Variants in CLCA4 observed in about 807,000 individuals in gnomAD.
CLCA4 encodes the protein calcium-activated chloride channel regulator 4.
Under a neutral mutation model 78.9 loss-of-function variants are expected in CLCA4, and 69 were observed. That is an observed-to-expected ratio of 0.87 (90% confidence interval 0.72 to 1.07). The LOEUF is 1.07. Ranked by LOEUF, CLCA4 falls within the 50% of genes least tolerant of loss-of-function variation. The probability of loss-of-function intolerance (pLI) is 0.00; values close to 1 mark genes in which losing one functional copy is unlikely to be tolerated. For synonymous variants in CLCA4, 362 were observed against 375.8 expected, an observed-to-expected ratio of 0.96 and a Z score of 0.42; for missense variants, 1,133 against 1,095.8, an observed-to-expected ratio of 1.03 and a Z score of -0.48.
rs79239862 is a variant in CLCA4 at position 86,547,628 on chromosome 1, T to C, written c.159+350T>C. The stretch of plus-strand genomic sequence containing the variant: ...CTCTTCATTTCCTTTCTCTCCCCTA[T>C]CCTTTGCAGCCTCTAATAAGTATCA... On this transcript the variant is annotated intron_variant, in intron 1 of 13. Coordinates refer to ENST00000370563, the MANE Select transcript of CLCA4 (RefSeq NM_012128.4). Among the ~76,000 whole-genome samples, 432 of 152,288 alleles carry C rather than the reference T, an allele frequency of 2.8e-3. 19 individuals carry two copies. In the East Asian group the frequency reaches 0.072, roughly 25 times the overall value.
At chr1:86,571,331 T>G in intron 8 of CLCA4, 77 bp downstream of exon 8, 17 of 1,414,960 alleles carry the variant, frequency 1.2e-5, no homozygotes, top group Non-Finnish European at 1.6e-5. Flanking sequence ...ACAACGTCTC[T>G]TGAGTTTCTG....
chr1:86,567,174 T>A (rs1650224019), intron 6 of CLCA4, among the ~76,000 whole-genome samples: 1 of 151,988 alleles, frequency 6.6e-6, no homozygotes, highest in South Asian at 2.1e-4. Context: ...TTCCACCTCT[T>A]ACTTGGATAC....
Position 86,580,301 on chromosome 1 carries a change from G to T in CLCA4, c.2716G>T (p.Gly906Trp), listed in dbSNP as rs780305015. The T allele has an allele frequency of 3.7e-6, 6 of 1,606,892 alleles. No homozygotes were observed. The highest frequency in any genetic ancestry group is 8.5e-7 in the Non-Finnish European group (1 of 1,177,834). Residue 906 changes from glycine (G) to tryptophan (W), a missense_variant, in exon 14 of 14, where the codon GGG (glycine) becomes TGG (tryptophan). Transcript: ENST00000370563. ...TTCTACGCTGGTATTGTCTGTGATT[G>T]GGTCTGTTGTAATTGTTAACTTTAT... ...NISTLVLSVI[G>W]SVVIVNFILS...
At chr1:86,573,470 G>A (rs1244886504) in intron 9 of CLCA4, among the ~76,000 whole-genome samples, 1 of 151,732 alleles carries the variant, frequency 6.6e-6, no homozygotes, top group East Asian at 1.9e-4. Context: ...GTCACTTTAT[G>A]CCAAGATTTC....
Position 86,565,258 on chromosome 1 carries a change from T to C in CLCA4, c.558-16T>C. On this transcript the variant is annotated splice_polypyrimidine_tract_variant and intron_variant, in intron 4 of 13. Transcript: ENST00000370563. ...TGATTCAGTTGCCTCAAAGATTAAC[T>C]GTCATATATTTTCAGGTGTTCCGCA... 6.4e-7 allele frequency: 1 copy of C among 1,555,660 alleles called. No individual in the cohort carries two copies. Among genetic ancestry groups the C allele is most frequent in the Non-Finnish European group, 8.7e-7 (1 of 1,150,230 alleles).
chr1:86,555,736 A>G (rs1377973640), intron 1 of CLCA4, among the ~76,000 whole-genome samples: 3 of 152,098 alleles, frequency 2.0e-5, no homozygotes, highest in African/African-American at 4.8e-5. Flanking sequence ...GGTGTGAAAA[A>G]TGTTGTTGCT....
At chr1:86,570,047 AG>A (rs1428380868) in intron 7 of CLCA4, among the ~76,000 whole-genome samples, 3 of 152,048 alleles carry the variant, frequency 2.0e-5, no homozygotes, top group Non-Finnish European at 4.4e-5. Flanking sequence ...TTCGGTTTCA[AG>A]GCATGTCAGA....
chr1:86,566,995 A>G (rs563213587), intron 6 of CLCA4, among the ~76,000 whole-genome samples: 42 of 152,088 alleles, frequency 2.8e-4, no homozygotes, highest in African/African-American at 8.9e-4. Context: ...TTTCCAGTGG[A>G]TGGAGTGATT....
rs970420963 is a variant in CLCA4 at position 86,565,363 on chromosome 1, C to G, written c.647C>G (p.Thr216Arg). Reference protein sequence around the residue: ...LSRACRIDSTTKLYGKDCQFF... With the variant: ...LSRACRIDSTRKLYGKDCQFF... ...AGAGCATGCAGAATTGATTCTACAA[C>G]AAAACTGTATGGAAAAGATTGTCAA... The change falls in exon 5 of 14, where the codon ACA (threonine) becomes AGA (arginine). Residue 216 changes from threonine (T) to arginine (R), a missense_variant. Thr to Arg is a moderately conservative substitution (Grantham distance 71, BLOSUM62 -1). Transcript: ENST00000370563. The G allele has an allele frequency of 1.2e-6, 2 of 1,608,510 alleles. No homozygotes were observed. Among genetic ancestry groups the G allele is most frequent in the Non-Finnish European group, 1.7e-6 (2 of 1,175,730 alleles).
At chr1:86,564,079 A>G (rs1321253371) in intron 4 of CLCA4, among the ~76,000 whole-genome samples, 1 of 152,170 alleles carries the variant, frequency 6.6e-6, no homozygotes, top group South Asian at 2.1e-4. Flanking sequence ...AGTTATTTAC[A>G]TTACACAAGA....
At chr1:86,558,778 C>A (rs1425687503) in intron 1 of CLCA4, among the ~76,000 whole-genome samples, 2 of 152,128 alleles carry the variant, frequency 1.3e-5, no homozygotes, top group Non-Finnish European at 2.9e-5. Flanking sequence ...ATTCAATTAT[C>A]TCCACCTGGT....
chr1:86,563,610 C>CA (rs1391162727), intron 3 of CLCA4, 51 bp from the exon 4 acceptor site: 1 of 901,916 alleles, frequency 1.1e-6, no homozygotes, highest in Non-Finnish European at 1.7e-6. Flanking sequence ...AAATATGATA[C>CA]AAAACGTGTC....
At chr1:86,569,948 T>A (rs1055385507) in intron 7 of CLCA4, among the ~76,000 whole-genome samples, 3 of 151,980 alleles carry the variant, frequency 2.0e-5, no homozygotes, top group African/African-American at 7.2e-5. Context: ...CATCTTTGGA[T>A]CTTCATTTTG....
chr1:86,578,275 A>C lies in CLCA4; in HGVS notation c.2122+203A>C, dbSNP rs545337776. 1.1e-4 allele frequency among the ~76,000 whole-genome samples: 16 copies of C among 152,174 alleles called. No individual in the cohort carries two copies. The South Asian group carries it at 3.1e-3, about 30-fold the overall frequency. On this transcript the variant is annotated intron_variant, in intron 12 of 13. Transcript: ENST00000370563. Reference sequence around the variant, plus strand: ...TCTGGCACCTAGTAAGCACTCAAGCACTCAAAAAAGGTCAATTATTCTTAT... The same window carrying C: ...TCTGGCACCTAGTAAGCACTCAAGCCCTCAAAAAAGGTCAATTATTCTTAT...
intron 7 of CLCA4, among the ~76,000 whole-genome samples, chr1:86,569,319 G>A (rs1355997084): frequency 6.6e-6 from 1 of 151,906 alleles, no homozygotes; most frequent in East Asian, 1.9e-4. Context: ...GGAAAAAGGT[G>A]AGAAAAAACT....
At chr1:86,559,803 C>A in intron 1 of CLCA4, 129 bp from the exon 2 acceptor site, 1 of 705,984 alleles carries the variant, frequency 1.4e-6, no homozygotes. Flanking sequence ...AATAATGAGA[C>A]AGAGACCCTA....
intron 4 of CLCA4, 24 bp from the exon 5 acceptor site, chr1:86,565,250 A>G: frequency 2.6e-6 from 4 of 1,533,710 alleles, no homozygotes; most frequent in Non-Finnish European, 3.5e-6. Flanking sequence ...GTTGCCTCAA[A>G]GATTAACTGT....
intron 9 of CLCA4, among the ~76,000 whole-genome samples, chr1:86,574,185 A>G (rs186190064): frequency 6.6e-6 from 1 of 152,136 alleles, no homozygotes; most frequent in Admixed American, 6.6e-5. Context: ...CTCTTGTTGA[A>G]TATATTTACT....
chr1:86,576,153 TTTTG>T (rs1422810573), intron 11 of CLCA4, among the ~76,000 whole-genome samples: 1 of 151,918 alleles, frequency 6.6e-6, no homozygotes, highest in Non-Finnish European at 1.5e-5. Context: ...TGTTGAATTT[TTTTG>T]TTTGTTTTTT....
Sources: gnomAD v4.1 joint callset for allele counts (sites outside exome capture counted in the v4.1 genomes callset) on GRCh38, gnomAD v4.1.1 for gene constraint, MANE v1.5 for transcripts, NCBI Gene and HGNC (gene_info 2026-07-23, HGNC 2026-07-21) for gene names.